The following ADARB2 variants were observed in gnomAD, a reference collection of about 807,000 sequenced individuals.
ADARB2 encodes the protein inactive double-stranded RNA-specific editase B2.
A neutral mutation model predicts 62.2 loss-of-function variants in ADARB2; 25 were observed. That is an observed-to-expected ratio of 0.40 (90% CI 0.29 to 0.56). ADARB2 has a LOEUF of 0.56. Ranked by LOEUF, ADARB2 falls within the 20% of genes least tolerant of loss-of-function variation. The pLI, the probability that ADARB2 is intolerant of heterozygous loss-of-function variation, is 0.43. For synonymous variants in ADARB2, 572 were observed against 500.8 expected (o/e 1.14, Z -1.90); for missense variants, 1,071 against 1,077.4 (o/e 0.99, Z 0.08).
intron 1 of ADARB2, among the ~76,000 whole-genome samples, chr10:1,644,379 A>G (rs4430431): frequency 6.6e-6 from 1 of 152,252 alleles, no homozygotes; most frequent in Non-Finnish European, 1.5e-5. Flanking sequence ...ACTTGCTTGT[A>G]TGTTACATGC....
At chr10:1,358,741 C>G (rs966054557) in intron 3 of ADARB2, among the ~76,000 whole-genome samples, 1 of 151,774 alleles carries the variant, frequency 6.6e-6, no homozygotes, top group Non-Finnish European at 1.5e-5. Flanking sequence ...TGGGAGAGTG[C>G]GGGGTGAGGG....
intron 1 of ADARB2, among the ~76,000 whole-genome samples, chr10:1,521,609 C>T (rs11250580): frequency 0.13 from 19,600 of 152,226 alleles, 1,536 homozygotes; most frequent in East Asian, 0.17. Context: ...CTCTCTGAAG[C>T]CTGCTACCTG....
At chr10:1,681,902 T>TGCATCTATGCAGGGAGTGAGGGC (rs1424756931) in intron 1 of ADARB2, among the ~76,000 whole-genome samples, 1 of 152,038 alleles carries the variant, frequency 6.6e-6, no homozygotes, top group Non-Finnish European at 1.5e-5. Flanking sequence ...GGTGTGAGGG[T>TGCATCTATGCAGGGAGTGAGGGC]GCATCTATGC....
At chr10:1,697,002 A>G (rs1271188814) in intron 1 of ADARB2, among the ~76,000 whole-genome samples, 4 of 151,478 alleles carry the variant, frequency 2.6e-5, no homozygotes, top group African/African-American at 9.7e-5. Context: ...AGCTATCGTT[A>G]ATGTTAGTGT....
At position 1,477,559 on chromosome 10, in the gene ADARB2, C is replaced by A. The variant is rs1239061359; in HGVS notation, c.101-98399G>T. Among the ~76,000 whole-genome samples the A allele has an allele frequency of 1.3e-5, 2 of 152,152 alleles. No individual in the cohort carries two copies. The highest frequency in any genetic ancestry group is 2.9e-5 in the Non-Finnish European group (2 of 68,016). ...ACTGTCTTGGTAAATTCTTTTACCA[C>A]CCGTGACACCAGCCCCAGCCATTGC... On this transcript the variant is annotated intron_variant, in intron 1 of 9. Transcript: ENST00000381312. The surrounding 1 kb of genome is among the most constrained non-coding windows in gnomAD (Gnocchi z 4.5).
At chr10:1,428,553 C>T (rs1830739694) in intron 1 of ADARB2, among the ~76,000 whole-genome samples, 2 of 152,250 alleles carry the variant, frequency 1.3e-5, no homozygotes, top group East Asian at 3.9e-4. Context: ...TCCTAAAGTG[C>T]TGGGATTACA....
At position 1,443,379 on chromosome 10, in the gene ADARB2, C is replaced by A. The variant is rs79924428; in HGVS notation, c.101-64219G>T. Among the ~76,000 whole-genome samples the A allele has an allele frequency of 1.7e-3, 261 of 152,154 alleles. 1 individual carries two copies. The East Asian group carries it at 0.021, about 12-fold the overall frequency. On this transcript the variant is annotated intron_variant, in intron 1 of 9. Coordinates refer to ENST00000381312, the MANE Select transcript of ADARB2 (RefSeq NM_018702.4). ...TCAGTTTCCTTTCTTATTATGCAGG[C>A]GAATTAATTCTTTAATGTTAATAAT... is the stretch of plus-strand genomic sequence containing the variant.
intron 1 of ADARB2, among the ~76,000 whole-genome samples, chr10:1,627,835 T>C (rs1487005486): frequency 1.3e-5 from 2 of 152,162 alleles, no homozygotes; most frequent in Admixed American, 6.5e-5. Flanking sequence ...CTCGTAGAGA[T>C]CACCTGTCTC....
At chr10:1,230,909 C>T (rs1830798389) in intron 6 of ADARB2, among the ~76,000 whole-genome samples, 1 of 152,196 alleles carries the variant, frequency 6.6e-6, no homozygotes, top group African/African-American at 2.4e-5. Flanking sequence ...CAGCACCTGC[C>T]ACTTCTTAAA....
At chr10:1,571,250 A>G (rs114492235) in intron 1 of ADARB2, among the ~76,000 whole-genome samples, 6 of 152,080 alleles carry the variant, frequency 3.9e-5, no homozygotes, top group African/African-American at 1.2e-4. Context: ...ATCATACTGT[A>G]TACTTTTAGA....
Position 1,678,168 on chromosome 10 carries a change from C to T in ADARB2, c.100+58883G>A, listed in dbSNP as rs571064172. ...GGGCTTGGCTGAGGGGTCGGTCACCCAGCAAATGCCCAGGGCAATGCCACA... is the reference window on the plus strand; with the variant it reads ...GGGCTTGGCTGAGGGGTCGGTCACCTAGCAAATGCCCAGGGCAATGCCACA... On this transcript the variant is annotated intron_variant, in intron 1 of 9. Transcript: ENST00000381312. 4.1e-6 allele frequency: 4 copies of T among 985,274 alleles called. No individual in the cohort carries two copies. In the African/African-American group the frequency reaches 5.2e-5, roughly 13 times the overall value. 61.0% of individuals were successfully genotyped at this position (985,274 alleles called of 1,614,324 possible).
At chr10:1,406,406 G>C (rs1348005111) in intron 1 of ADARB2, among the ~76,000 whole-genome samples, 1 of 152,078 alleles carries the variant, frequency 6.6e-6, no homozygotes, top group Non-Finnish European at 1.5e-5. Context: ...GGGAAGGAGA[G>C]AGTGGCCTGG....
intron 6 of ADARB2, among the ~76,000 whole-genome samples, chr10:1,222,401 CAGA>C (rs1400867463): frequency 1.3e-5 from 2 of 152,168 alleles, no homozygotes; most frequent in Admixed American, 1.3e-4. Flanking sequence ...TTTTGCTGTG[CAGA>C]AGCTCTTTAG....
rs1170786984 is a variant in ADARB2 at position 1,389,776 on chromosome 10, TA to T, written c.101-10617del. ...ATAAATAAATAAATAAATAAATAAA[TA>T]AATAAATAATAAATAAAAAATAAAG... On this transcript the variant is annotated intron_variant, in intron 1 of 9. Coordinates refer to ENST00000381312, the MANE Select transcript of ADARB2 (RefSeq NM_018702.4). Among the ~76,000 whole-genome samples, 23 of 97,126 alleles carry T rather than the reference TA, an allele frequency of 2.4e-4. 1 individual carries two copies. Among genetic ancestry groups the T allele is most frequent in the East Asian group, 4.0e-4 (1 of 2,528 alleles). 63.7% of individuals were successfully genotyped at this position (97,126 alleles called of 152,430 possible). A position where few individuals can be genotyped will look rare whatever the true frequency, so the allele number is the denominator to read the frequency against.
chr10:1,230,282 G>T (rs1830791799), intron 6 of ADARB2, among the ~76,000 whole-genome samples: 1 of 152,194 alleles, frequency 6.6e-6, no homozygotes, highest in Admixed American at 6.5e-5. Flanking sequence ...GTGCCGCTGG[G>T]TTTCTGCAGG....
intron 1 of ADARB2, among the ~76,000 whole-genome samples, chr10:1,524,190 T>C (rs1832111103): frequency 1.3e-5 from 2 of 152,144 alleles, no homozygotes; most frequent in South Asian, 4.1e-4. Context: ...GTCTGAGACA[T>C]ACAAACTTCT....
chr10:1,264,685 G>A (rs4880807), intron 4 of ADARB2, among the ~76,000 whole-genome samples: 38,185 of 152,162 alleles, frequency 0.25, 5,979 homozygotes, highest in South Asian at 0.48. Flanking sequence ...ATGCTCCATC[G>A]TGGAATTAAT....
At chr10:1,633,560 C>CTATCTATCTATCTATCTA (rs1564353055) in intron 1 of ADARB2, among the ~76,000 whole-genome samples, 11 of 135,298 alleles carry the variant, frequency 8.1e-5, no homozygotes, top group Middle Eastern at 3.9e-3. Context: ...ATCTATCTAT[C>CTATCTATCTATCTATCTA]TATCTATCTA....
intron 3 of ADARB2, among the ~76,000 whole-genome samples, chr10:1,294,139 A>G (rs1029306799): frequency 1.3e-5 from 2 of 152,212 alleles, no homozygotes; most frequent in African/African-American, 4.8e-5. Context: ...AGAATAGATC[A>G]TTTGAGATGA....
Sources: gnomAD v4.1 joint callset for allele counts (sites outside exome capture counted in the v4.1 genomes callset) on GRCh38, gnomAD v4.1.1 for gene constraint, Gnocchi (gnomAD v3.1) non-coding constraint, MANE v1.5 for transcripts, NCBI Gene and HGNC (gene_info 2026-07-23, HGNC 2026-07-21) for gene names.